Variants in CUTC observed in about 807,000 individuals in gnomAD.
CUTC encodes the protein copper homeostasis protein cutC homolog.
Under a neutral mutation model 36.2 loss-of-function variants are expected in CUTC, and 27 were observed. The observed-to-expected ratio is 0.75, with a 90% CI of 0.55 to 1.03. CUTC has a LOEUF of 1.03. CUTC is among the 50% of genes least tolerant of loss of function. CUTC has a pLI of 0.00. For missense variants in CUTC, 315 were observed against 343.5 expected (o/e 0.92, Z 0.66); for synonymous variants, 114 against 118.3 (o/e 0.96, Z 0.24).
At position 99,743,175 on chromosome 10, in the gene CUTC, G is replaced by A; in HGVS notation, c.216G>A (p.Gln72=). The change falls in exon 4 of 9, where the codon CAG becomes CAA. Residue 72 remains glutamine, a synonymous_variant. Coordinates refer to ENST00000370476, the MANE Select transcript of CUTC (RefSeq NM_015960.3). Reference sequence around the variant, plus strand: ...TAGGTGTCCTTCAAGTAGTGAAGCAGAGTGTTCAGATCCCAGTTTTTGTGA... The same window carrying A: ...TAGGTGTCCTTCAAGTAGTGAAGCAAAGTGTTCAGATCCCAGTTTTTGTGA... The part of the protein sequence containing the change: ...PSMGVLQVVK[Q]SVQIPVFVMI... 2 of 1,614,116 alleles carry A rather than the reference G, an allele frequency of 1.2e-6. No individual in the cohort carries two copies. The highest frequency in any genetic ancestry group is 1.7e-6 in the Non-Finnish European group (2 of 1,180,016).
chr10:99,754,696 T>C (rs1364266713), intron 8 of CUTC, 62 bp downstream of exon 8: 2 of 1,219,786 alleles, frequency 1.6e-6, no homozygotes, highest in Non-Finnish European at 2.4e-6. Flanking sequence ...TTCTCCCAAA[T>C]AGAAAAACTT....
Position 99,747,311 on chromosome 10 carries a change from G to A in CUTC, c.494G>A (p.Gly165Glu). 7 of 1,613,958 alleles carry A rather than the reference G, an allele frequency of 4.3e-6. No individual in the cohort carries two copies. Among genetic ancestry groups the A allele is most frequent in the East Asian group, 2.2e-5 (1 of 44,870 alleles). Residue 165 changes from glycine to glutamate, a missense_variant, in exon 6 of 9, where the codon GGA becomes GAA. By Grantham distance (98) the Gly-to-Glu change is moderately conservative. Coordinates refer to ENST00000370476, the MANE Select transcript of CUTC (RefSeq NM_015960.3). ...GCTCTGGAGACCCTCTTAACCTTGG[G>A]ATTTGAACGCGTGTTGACCAGTGGA... ...MAALETLLTLGFERVLTSGCD... is the reference protein window; with the variant it reads ...MAALETLLTLEFERVLTSGCD...
chr10:99,753,040 C>T (rs1424719533), intron 7 of CUTC, among the ~76,000 whole-genome samples: 1 of 152,116 alleles, frequency 6.6e-6, no homozygotes, highest in East Asian at 1.9e-4. Context: ...CATATTTAGG[C>T]TCTGGTTTCT....
chr10:99,754,198 T>G (rs1377387171), intron 7 of CUTC, among the ~76,000 whole-genome samples: 3 of 152,218 alleles, frequency 2.0e-5, no homozygotes, highest in Non-Finnish European at 2.9e-5. Context: ...TTTGTAGATT[T>G]TTTTCCTCAA....
At chr10:99,733,141 T>A (rs1231505356) in intron 1 of CUTC, among the ~76,000 whole-genome samples, 1 of 152,078 alleles carries the variant, frequency 6.6e-6, no homozygotes, top group Non-Finnish European at 1.5e-5. Flanking sequence ...AAACCCCGTC[T>A]CTACTAAAAA....
At chr10:99,749,095 G>A (rs1367446428) in intron 6 of CUTC, among the ~76,000 whole-genome samples, 1 of 152,170 alleles carries the variant, frequency 6.6e-6, no homozygotes, top group Non-Finnish European at 1.5e-5. Flanking sequence ...GTGTATGTGT[G>A]TGTGTATGTC....
rs765744952 is a variant in CUTC at position 99,756,026 on chromosome 10, A to G, written c.*287A>G. On this transcript the variant is annotated 3_prime_UTR_variant, in exon 9 of 9. Transcript: ENST00000370476. Reference sequence around the variant, plus strand: ...CTGTTTTCAGTGGAATTAATTGATGAACTGGGAAAATTTTAACTGCATGGT... The same window carrying G: ...CTGTTTTCAGTGGAATTAATTGATGGACTGGGAAAATTTTAACTGCATGGT... The G allele has an allele frequency of 6.2e-5, 19 of 307,452 alleles. No individual in the cohort carries two copies. The highest frequency in any genetic ancestry group is 8.9e-5 in the Non-Finnish European group (15 of 168,076). The allele number at this position is 307,452 out of a possible 1,614,324, so 19.0% of individuals were successfully genotyped here.
chr10:99,753,289 T>C (rs1320206096), intron 7 of CUTC, among the ~76,000 whole-genome samples: 1 of 152,216 alleles, frequency 6.6e-6, no homozygotes, highest in Non-Finnish European at 1.5e-5. Flanking sequence ...ATCCCTCTTT[T>C]ATTGGCAAAA....
At chr10:99,736,225 A>G (rs769352372) in intron 1 of CUTC, 21 bp from the exon 2 acceptor site, 3 of 1,606,844 alleles carry the variant, frequency 1.9e-6, no homozygotes, top group Non-Finnish European at 2.6e-6. Flanking sequence ...ATGAACTCTT[A>G]CCATTCTCCA....
intron 7 of CUTC, among the ~76,000 whole-genome samples, chr10:99,753,956 ATATT>A (rs1422783696): frequency 2.0e-5 from 3 of 152,236 alleles, no homozygotes; most frequent in Non-Finnish European, 4.4e-5. Context: ...TTATATATAA[ATATT>A]TAAAAGATTG....
chr10:99,746,711 C>G (rs1432890126), intron 5 of CUTC, among the ~76,000 whole-genome samples: 1 of 151,992 alleles, frequency 6.6e-6, no homozygotes, highest in Non-Finnish European at 1.5e-5. Flanking sequence ...TGATTTGTAG[C>G]ATTTTTAAAT....
intron 1 of CUTC, among the ~76,000 whole-genome samples, chr10:99,734,782 T>C (rs2037281068): frequency 6.6e-6 from 1 of 152,064 alleles, no homozygotes; most frequent in African/African-American, 2.4e-5. Flanking sequence ...TTGGTGTGGG[T>C]GATGATAAAG....
chr10:99,732,913 T>G (rs1332106091), intron 1 of CUTC, among the ~76,000 whole-genome samples: 1 of 152,196 alleles, frequency 6.6e-6, no homozygotes, highest in African/African-American at 2.4e-5. Flanking sequence ...CAGGGTAGCA[T>G]GGCATGGCAG....
intron 1 of CUTC, among the ~76,000 whole-genome samples, chr10:99,735,293 A>G (rs907629071): frequency 6.6e-6 from 1 of 152,130 alleles, no homozygotes; most frequent in Non-Finnish European, 1.5e-5. Context: ...ACTTTGGGAG[A>G]CAGAAAAAAT....
intron 4 of CUTC, 127 bp from the exon 5 acceptor site, chr10:99,743,910 T>C: frequency 1.7e-6 from 1 of 605,448 alleles, no homozygotes; most frequent in South Asian, 2.5e-5. Context: ...ATTTTATTAT[T>C]ATGTCAGTTT....
At chr10:99,733,439 G>C (rs7905717) in intron 1 of CUTC, among the ~76,000 whole-genome samples, 2 of 152,248 alleles carry the variant, frequency 1.3e-5, no homozygotes, top group African/African-American at 4.8e-5. Context: ...AACAAAAAAA[G>C]CAAAAGAGTG....
intron 3 of CUTC, among the ~76,000 whole-genome samples, chr10:99,740,167 C>G (rs1415288517): frequency 1.3e-5 from 2 of 152,078 alleles, no homozygotes; most frequent in Admixed American, 1.3e-4. Context: ...AGTCAATTAT[C>G]TTTTGTTAAA....
chr10:99,747,531 T>C, intron 6 of CUTC, 141 bp downstream of exon 6: 1 of 862,646 alleles, frequency 1.2e-6, no homozygotes, highest in South Asian at 1.9e-5. Flanking sequence ...ATAATGTATA[T>C]AATTCTTATT....
Position 99,755,931 on chromosome 10 carries a change from C to T in CUTC, c.*192C>T. The T allele has an allele frequency of 1.9e-6, 1 of 532,792 alleles. No individual in the cohort carries two copies. The highest frequency in any genetic ancestry group is 3.3e-6 in the Non-Finnish European group (1 of 300,988). The allele number at this position is 532,792 out of a possible 1,614,324, so 33.0% of individuals were successfully genotyped here. ...AACAGAGATACAGTCACTTCCTTTGCTTAGTCTTACCAGTGATTGTCATCA... is the reference window on the plus strand; with the variant it reads ...AACAGAGATACAGTCACTTCCTTTGTTTAGTCTTACCAGTGATTGTCATCA... On this transcript the variant is annotated 3_prime_UTR_variant, in exon 9 of 9. Transcript: ENST00000370476.
Sources: gnomAD v4.1 joint callset for allele counts (sites outside exome capture counted in the v4.1 genomes callset) on GRCh38, gnomAD v4.1.1 for gene constraint, MANE v1.5 for transcripts, NCBI Gene and HGNC (gene_info 2026-07-23, HGNC 2026-07-21) for gene names.